The following RNF38 variants were observed in gnomAD, a reference collection of about 807,000 sequenced individuals.
RNF38 encodes ring finger protein 38.
A neutral mutation model predicts 67.2 loss-of-function variants in RNF38; 15 were observed. The ratio of observed to expected loss-of-function variants is 0.22; its 90% CI spans 0.15 to 0.34. The LOEUF is 0.34. RNF38 is among the 10% of genes least tolerant of loss of function. The pLI, the probability that RNF38 is intolerant of heterozygous loss-of-function variation, is 1.00. For missense variants in RNF38, 524 were observed against 639.9 expected (o/e 0.82, Z 1.95); for synonymous variants, 220 against 218.8 (o/e 1.01, Z -0.05).
At chr9:36,433,893 T>C (rs150269135) in intron 1 of RNF38, among the ~76,000 whole-genome samples, 109 of 152,050 alleles carry the variant, frequency 7.2e-4, no homozygotes, top group African/African-American at 2.2e-3. Context: ...TATAAAGTAG[T>C]ACATCTTCTA....
intron 9 of RNF38, among the ~76,000 whole-genome samples, chr9:36,347,331 T>C (rs1227573519): frequency 6.6e-6 from 1 of 152,102 alleles, no homozygotes; most frequent in East Asian, 1.9e-4. Flanking sequence ...TTACTGCGCT[T>C]TGCTTTACTG....
intron 2 of RNF38, among the ~76,000 whole-genome samples, chr9:36,380,541 G>A (rs999505494): frequency 3.3e-5 from 5 of 149,962 alleles, no homozygotes; most frequent in Admixed American, 1.3e-4. Context: ...CATTGAGGCT[G>A]GAGTGCAGTG....
intron 4 of RNF38, among the ~76,000 whole-genome samples, chr9:36,368,818 A>G (rs1039104754): frequency 1.3e-5 from 2 of 152,104 alleles, no homozygotes; most frequent in Admixed American, 6.6e-5. Context: ...TTGGTTTATA[A>G]ACTCACAAGA....
rs902621338 is a variant in RNF38 at position 36,361,522 on chromosome 9, C to T, written c.571-3580G>A. Among the ~76,000 whole-genome samples, 11 of 152,186 alleles carry T rather than the reference C, an allele frequency of 7.2e-5. No individual in the cohort carries two copies. The South Asian group carries it at 1.5e-3, about 20-fold the overall frequency. Reference sequence around the variant, plus strand: ...AAATACTTCTGTTTAACTAACATAACGCTTGGTCACTTATAAATTTTATAT... The same window carrying T: ...AAATACTTCTGTTTAACTAACATAATGCTTGGTCACTTATAAATTTTATAT... On this transcript the variant is annotated intron_variant, in intron 4 of 11. Transcript: ENST00000259605.
At chr9:36,411,157 CA>C (rs199916194) in intron 2 of RNF38, among the ~76,000 whole-genome samples, 6,463 of 67,540 alleles carry the variant, frequency 0.096, 328 homozygotes, top group African/African-American at 0.23. Context: ...AACTGAACAG[CA>C]AAAAAAAAAA....
rs1179393264 is a variant in RNF38 at position 36,390,021 on chromosome 9, GTT to G, written c.162+444_162+445del. 1.4e-4 allele frequency among the ~76,000 whole-genome samples: 22 copies of G among 152,154 alleles called. No homozygotes were observed. The South Asian group carries it at 1.4e-3, about 10-fold the overall frequency. The stretch of plus-strand genomic sequence containing the variant: ...ATTTAAAAAAAAATTTTTAACTCAC[GTT>G]TACCCACAGGTAAAAGAAGACAAGT... On this transcript the variant is annotated intron_variant, in intron 2 of 11. Coordinates refer to ENST00000259605, the MANE Select transcript of RNF38 (RefSeq NM_022781.5).
At chr9:36,435,242 C>A (rs1043610745) in intron 1 of RNF38, among the ~76,000 whole-genome samples, 3 of 152,112 alleles carry the variant, frequency 2.0e-5, no homozygotes, top group Non-Finnish European at 4.4e-5. Context: ...ATTTTTGAAC[C>A]ATGCGAATAT....
chr9:36,386,615 G>C (rs1249140979), intron 2 of RNF38, among the ~76,000 whole-genome samples: 1 of 152,152 alleles, frequency 6.6e-6, no homozygotes, highest in Non-Finnish European at 1.5e-5. Flanking sequence ...GTCACAGGAT[G>C]AGATAGGAGG....
chr9:36,341,679 C>T (rs118182994), intron 11 of RNF38, among the ~76,000 whole-genome samples: 2,028 of 151,970 alleles, frequency 0.013, 32 homozygotes, highest in South Asian at 0.047. Context: ...CCAGACCAGT[C>T]TGGGCAACAT....
chr9:36,350,573 T>C (rs183983987), intron 9 of RNF38, among the ~76,000 whole-genome samples: 1 of 152,356 alleles, frequency 6.6e-6, no homozygotes, highest in East Asian at 1.9e-4. Flanking sequence ...GAAAAGCTTA[T>C]ACATTATTTA....
chr9:36,423,721 G>A (rs1348859828), intron 2 of RNF38, among the ~76,000 whole-genome samples: 2 of 26,014 alleles, frequency 7.7e-5, no homozygotes, highest in African/African-American at 1.2e-4. Flanking sequence ...AGGCCGAGGC[G>A]GGCGGATCAC....
At chr9:36,440,320 G>A (rs138398219) in intron 1 of RNF38, among the ~76,000 whole-genome samples, 2,270 of 152,190 alleles carry the variant, frequency 0.015, 27 homozygotes, top group Non-Finnish European at 0.02. Context: ...GAGATGGGCG[G>A]ATCACCTGAG....
chr9:36,348,926 A>G (rs73648738), intron 9 of RNF38, among the ~76,000 whole-genome samples: 42 of 152,258 alleles, frequency 2.8e-4, no homozygotes, highest in African/African-American at 9.9e-4. Context: ...AGCTAGAAAG[A>G]AAAGGCGGCA....
intron 2 of RNF38, among the ~76,000 whole-genome samples, chr9:36,381,064 A>G (rs1836177631): frequency 6.6e-6 from 1 of 152,194 alleles, no homozygotes; most frequent in Non-Finnish European, 1.5e-5. Flanking sequence ...GTTGACTTCG[A>G]GTGGAAGTGG....
chr9:36,447,624 C>A (rs1339862271), intron 1 of RNF38, among the ~76,000 whole-genome samples: 1 of 152,066 alleles, frequency 6.6e-6, no homozygotes, highest in Non-Finnish European at 1.5e-5. Context: ...ACCGAAGAAG[C>A]CTAATGAAAA....
At chr9:36,465,023 A>G (rs1461350840) in intron 1 of RNF38, among the ~76,000 whole-genome samples, 3 of 152,198 alleles carry the variant, frequency 2.0e-5, no homozygotes, top group Non-Finnish European at 2.9e-5. Flanking sequence ...ATCATTAGCC[A>G]TGGGGGGAAT....
chr9:36,434,216 C>A (rs1177695721), intron 1 of RNF38, among the ~76,000 whole-genome samples: 2 of 138,504 alleles, frequency 1.4e-5, no homozygotes, highest in African/African-American at 5.4e-5. Context: ...AGCTTGCCGA[C>A]AGAGCGAGAC....
rs867602865 is a variant in RNF38 at position 36,341,831 on chromosome 9, T to C, written c.1485+494A>G. 0.01 allele frequency among the ~76,000 whole-genome samples: 20 copies of C among 1,992 alleles called. 1 individual carries two copies. In the South Asian group the frequency reaches 0.22, roughly 22 times the overall value. The allele number at this position is 1,992 out of a possible 152,430, so 1.3% of individuals were successfully genotyped here. ...ATATATATATATATATATATATATA[T>C]ATATATATATATATATATATATATA... On this transcript the variant is annotated intron_variant, in intron 11 of 11. Transcript: ENST00000259605.
intron 2 of RNF38, among the ~76,000 whole-genome samples, chr9:36,377,348 T>A (rs138904846): frequency 2.4e-4 from 37 of 152,302 alleles, no homozygotes; most frequent in African/African-American, 8.7e-4. Flanking sequence ...TGCAAAAATA[T>A]ACAGGATTAT....
Sources: allele counts gnomAD v4.1 joint callset (sites outside exome capture counted in the v4.1 genomes callset), GRCh38; gene constraint gnomAD v4.1.1; transcripts MANE v1.5; gene names NCBI Gene and HGNC (gene_info 2026-07-23, HGNC 2026-07-21).